CBR4: variants seen among roughly 807,000 people sequenced by gnomAD.
The protein encoded by CBR4 is carbonyl reductase 4, also known as 3-oxoacyl-[acyl-carrier-protein] reductase.
A neutral mutation model predicts 21.0 loss-of-function variants in CBR4; 22 were observed. The ratio of observed to expected loss-of-function variants is 1.05; its 90% CI spans 0.75 to 1.50. The LOEUF (loss-of-function observed/expected upper bound fraction) is 1.50. Ranked by LOEUF, CBR4 falls within the 40% of genes most tolerant of loss-of-function variation. CBR4 has a pLI of 0.00. For missense variants in CBR4, 302 were observed against 286.3 expected, an observed-to-expected ratio of 1.05 and a Z score of -0.40; for synonymous variants, 100 against 104.4, an observed-to-expected ratio of 0.96 and a Z score of 0.26.
chr4:168,921,450 A>T, intron 2 of CBR4: 9 of 688,674 alleles, frequency 1.3e-5, no homozygotes, highest in Non-Finnish European at 2.3e-5. Context: ...CTACTGAAGG[A>T]GGAATTTATG....
chr4:168,953,105 G>A (rs1287020519), intron 2 of CBR4, among the ~76,000 whole-genome samples: 1 of 152,198 alleles, frequency 6.6e-6, no homozygotes, highest in African/African-American at 2.4e-5. Context: ...TGCTGTGGAG[G>A]ATGTGGGTGA....
intron 4 of CBR4, among the ~76,000 whole-genome samples, chr4:168,994,745 ATTTTTTTTTT>A (rs5863973): frequency 0.016 from 770 of 48,826 alleles, 15 homozygotes; most frequent in African/African-American, 0.055. Context: ...CGCCTGGCTA[ATTTTTTTTTT>A]TTTTTTTTTT....
chr4:168,922,899 G>A (rs554389250), intron 2 of CBR4, among the ~76,000 whole-genome samples: 1 of 152,274 alleles, frequency 6.6e-6, no homozygotes, highest in East Asian at 1.9e-4. Flanking sequence ...AAAGTCTTTG[G>A]GGTCAGATCT....
At chr4:168,926,738 T>C (rs1762625246) in intron 2 of CBR4, 1 of 276,160 alleles carries the variant, frequency 3.6e-6, no homozygotes, top group African/African-American at 2.2e-5. Context: ...ATAGGTGCTG[T>C]GTAGCCTGAT....
Position 168,987,690 on chromosome 4 carries a change from G to GA in CBR4, c.*2459dup. The GA allele has an allele frequency of 1.0e-6, 1 of 982,264 alleles. No individual in the cohort carries two copies. Among genetic ancestry groups the GA allele is most frequent in the Non-Finnish European group, 1.2e-6 (1 of 827,120 alleles). 60.8% of individuals were successfully genotyped at this position (982,264 alleles called of 1,614,324 possible). ...ACACATATTCCTTTTGAAAATCTTA[G>GA]AAAAAATGTTTCACCAATGTTAAGG... is the stretch of plus-strand genomic sequence containing the variant. On this transcript the variant is annotated 3_prime_UTR_variant, in exon 5 of 5. Transcript: ENST00000306193.
At chr4:168,973,830 A>G (rs1414214023) in intron 2 of CBR4, among the ~76,000 whole-genome samples, 1 of 152,212 alleles carries the variant, frequency 6.6e-6, no homozygotes, top group Admixed American at 6.5e-5. Context: ...GTTTGTGTGC[A>G]TAAAGGTGTT....
At position 168,989,741 on chromosome 4, in the gene CBR4, G is replaced by T. The variant is rs1433978939; in HGVS notation, c.*409C>A. ...AAATCAATACTTGTTTATATGACTT[G>T]CAAAATGTCTATACACTAAGATTGC... On this transcript the variant is annotated 3_prime_UTR_variant, in exon 5 of 5. Coordinates refer to ENST00000306193, the MANE Select transcript of CBR4 (RefSeq NM_032783.5). 6 of 984,572 alleles carry T rather than the reference G, an allele frequency of 6.1e-6. No homozygotes were observed. Among genetic ancestry groups the T allele is most frequent in the Non-Finnish European group, 7.2e-6 (6 of 829,102 alleles). 61.0% of individuals were successfully genotyped at this position (984,572 alleles called of 1,614,324 possible).
At chr4:168,998,141 A>G (rs1373559449) in intron 4 of CBR4, among the ~76,000 whole-genome samples, 1 of 152,236 alleles carries the variant, frequency 6.6e-6, no homozygotes. Flanking sequence ...GTACTGAAAC[A>G]CTTAAGGTAT....
chr4:168,916,769 C>T (rs963431710), intron 2 of CBR4, among the ~76,000 whole-genome samples: 2 of 150,732 alleles, frequency 1.3e-5, no homozygotes, highest in Admixed American at 1.3e-4. Flanking sequence ...CAACCTCTGC[C>T]TCCTGGGTCT....
At chr4:168,993,235 A>G (rs1392267091) in intron 4 of CBR4, among the ~76,000 whole-genome samples, 1 of 150,622 alleles carries the variant, frequency 6.6e-6, no homozygotes, top group African/African-American at 2.4e-5. Context: ...TTTTGAGACA[A>G]GAGTCTCACT....
intron 2 of CBR4, among the ~76,000 whole-genome samples, chr4:168,972,263 GCT>G (rs1297063301): frequency 3.3e-5 from 5 of 152,234 alleles, no homozygotes; most frequent in African/African-American, 1.2e-4. Flanking sequence ...GACTATGCAG[GCT>G]CTTTTTCGGT....
chr4:168,970,089 G>T (rs112334970), intron 2 of CBR4, among the ~76,000 whole-genome samples: 3,615 of 152,076 alleles, frequency 0.024, 70 homozygotes, highest in Middle Eastern at 0.048. Context: ...TTCCTAACGG[G>T]TTATCCTTAT....
chr4:168,939,647 C>T (rs897549391), intron 2 of CBR4, among the ~76,000 whole-genome samples: 11 of 151,448 alleles, frequency 7.3e-5, no homozygotes, highest in Admixed American at 7.3e-4. Context: ...TCCTATACAC[C>T]AATAACAGAG....
At chr4:168,926,705 A>G (rs1054147502) in intron 2 of CBR4, 24 of 331,066 alleles carry the variant, frequency 7.2e-5, no homozygotes, top group African/African-American at 4.8e-4. Context: ...TGTATTATCT[A>G]CAAGTGCCTT....
chr4:168,897,712 A>G (rs1288974198), intron 2 of CBR4, among the ~76,000 whole-genome samples: 2 of 152,156 alleles, frequency 1.3e-5, no homozygotes, highest in African/African-American at 4.8e-5. Flanking sequence ...TCGGCCTTCC[A>G]AAGTGTTGGG....
intron 3 of CBR4, 55 bp from the exon 4 acceptor site, chr4:169,002,260 G>T: frequency 7.5e-7 from 1 of 1,330,992 alleles, no homozygotes; most frequent in South Asian, 2.1e-5. Flanking sequence ...CAATTAATGG[G>T]GTTACTTGAA....
rs1762601182 is a variant in CBR4 at position 168,926,518 on chromosome 4, A to G, written n.170-31753T>C. The stretch of plus-strand genomic sequence containing the variant: ...ATTAAAAAAAAAACACCAAAATAAT[A>G]TTTTTCTTACTTGATATACCAAACT... On this transcript the variant is annotated intron_variant and non_coding_transcript_variant, in intron 2 of 3. Coordinates refer to the CBR4 transcript ENST00000509108. 3 of 647,676 alleles carry G rather than the reference A, an allele frequency of 4.6e-6. No homozygotes were observed. In the East Asian group the frequency reaches 8.4e-5, roughly 18 times the overall value. The allele number at this position is 647,676 out of a possible 1,614,324, so 40.1% of individuals were successfully genotyped here. A position where few individuals can be genotyped will look rare whatever the true frequency, so the allele number is the denominator to read the frequency against.
intron 2 of CBR4, among the ~76,000 whole-genome samples, chr4:168,942,288 G>A (rs1355960917): frequency 1.3e-5 from 2 of 151,878 alleles, no homozygotes; most frequent in Admixed American, 1.3e-4. Flanking sequence ...ATGCATGAGG[G>A]GCTTAAAACC....
chr4:168,921,575 T>A (rs140584890), intron 2 of CBR4: 1 of 1,608,056 alleles, frequency 6.2e-7, no homozygotes, highest in Non-Finnish European at 8.5e-7. Context: ...GGCAACTAGA[T>A]GGAAAGCCCG....
Sources: gnomAD v4.1 joint callset for allele counts (sites outside exome capture counted in the v4.1 genomes callset) on GRCh38, gnomAD v4.1.1 for gene constraint, MANE v1.5 for transcripts, NCBI Gene and HGNC (gene_info 2026-07-23, HGNC 2026-07-21) for gene names.